Variants in RGS8 observed in about 807,000 individuals in gnomAD.
RGS8 encodes regulator of G-protein signaling 8.
Under a neutral mutation model 21.7 loss-of-function variants are expected in RGS8, and 8 were observed. That is an observed-to-expected ratio of 0.37 (90% CI 0.22 to 0.66). The LOEUF (loss-of-function observed/expected upper bound fraction) is 0.66. Among genes scored for constraint, RGS8 ranks in the 30% least tolerant of loss-of-function variants. RGS8 has a pLI of 0.59. For missense variants in RGS8, 157 were observed against 217.9 expected, an observed-to-expected ratio of 0.72 and a Z score of 1.76; for synonymous variants, 80 against 83.6, an observed-to-expected ratio of 0.96 and a Z score of 0.24.
chr1:182,673,570 T>G (rs1664260292), upstream of RGS8, among the ~76,000 whole-genome samples: 1 of 152,188 alleles, frequency 6.6e-6, no homozygotes, highest in Non-Finnish European at 1.5e-5. Context: ...AAATAAAAAT[T>G]CTGATGCTGC....
intron 5 of RGS8, among the ~76,000 whole-genome samples, chr1:182,650,654 A>C (rs1402104320): frequency 6.6e-6 from 1 of 152,220 alleles, no homozygotes; most frequent in Non-Finnish European, 1.5e-5. Flanking sequence ...TGAGCCCAGG[A>C]GTTCGAGACC....
rs150373910 is a variant in RGS8, at chr1:182,669,823, CG to C, written c.-103-72del. On this transcript the variant is annotated intron_variant, in intron 2 of 6. Transcript: ENST00000483095. ...TGACTGCACTACATTTCCTCTCAGA[CG>C]GGTTTCCGCCAGCGGAACACCTCCC... The C allele has an allele frequency of 1.5e-3, 2,099 of 1,442,386 alleles. 22 individuals carry two copies. In the African/African-American group the frequency reaches 0.028, roughly 19 times the overall value. 89.3% of individuals were successfully genotyped at this position (1,442,386 alleles called of 1,614,324 possible). A position where few individuals can be genotyped will look rare whatever the true frequency, so the allele number is the denominator to read the frequency against.
At chr1:182,697,895 T>C in the RGS8 span, among the ~76,000 whole-genome samples, 19 of 152,310 alleles carry the variant, frequency 1.2e-4, no homozygotes, top group South Asian at 3.7e-3. Context: ...ATTGAGTGCT[T>C]ACTAGAATGA....
the RGS8 span, among the ~76,000 whole-genome samples, chr1:182,751,543 C>T: frequency 6.6e-6 from 1 of 152,280 alleles, no homozygotes; most frequent in African/African-American, 2.4e-5. Context: ...TTTTCCCTGT[C>T]TTCCCAGAGC....
At chr1:182,673,162 G>A (rs1241003951), upstream of RGS8, among the ~76,000 whole-genome samples, 4 of 152,198 alleles carry the variant, frequency 2.6e-5, no homozygotes, top group African/African-American at 7.2e-5. Flanking sequence ...GCTGCAAACC[G>A]TTTCTGAAAC....
At chr1:182,652,692 A>G (rs141523666) in intron 5 of RGS8, among the ~76,000 whole-genome samples, 1 of 152,350 alleles carries the variant, frequency 6.6e-6, no homozygotes, top group African/African-American at 2.4e-5. Context: ...GTTTGAGCCA[A>G]GAAAACATAA....
the RGS8 span, among the ~76,000 whole-genome samples, chr1:182,700,637 T>C: frequency 0.031 from 4,781 of 152,314 alleles, 96 homozygotes; most frequent in Middle Eastern, 0.061. Flanking sequence ...CATGAGTGTC[T>C]TAGAAAGACT....
the RGS8 span, among the ~76,000 whole-genome samples, chr1:182,700,103 A>G: frequency 6.6e-6 from 1 of 152,258 alleles, no homozygotes; most frequent in South Asian, 2.1e-4. Flanking sequence ...AATGCGCCCC[A>G]GAGCCCGCCG....
At chr1:182,653,462 G>A (rs1435866147) in intron 5 of RGS8, among the ~76,000 whole-genome samples, 5 of 151,890 alleles carry the variant, frequency 3.3e-5, no homozygotes, top group Non-Finnish European at 2.9e-5. Context: ...TTGGGAGGCC[G>A]AGGAGAGCAG....
intron 3 of RGS8, among the ~76,000 whole-genome samples, chr1:182,668,281 A>G (rs1663974079): frequency 6.6e-6 from 1 of 152,254 alleles, no homozygotes; most frequent in South Asian, 2.1e-4. Context: ...TAATCAAATC[A>G]GGACTTAAGA....
upstream of RGS8, chr1:182,672,756 G>T (rs750617656): frequency 4.4e-6 from 7 of 1,590,036 alleles, no homozygotes; most frequent in East Asian, 4.5e-5. Context: ...TGTTCTGCCC[G>T]ATCTGCACAT....
intron 1 of RGS8, among the ~76,000 whole-genome samples, chr1:182,680,006 TAG>T (rs1221872201): frequency 6.6e-6 from 1 of 152,136 alleles, no homozygotes; most frequent in Non-Finnish European, 1.5e-5. Context: ...AAATCTTTCA[TAG>T]TTTTCAAATC....
At chr1:182,685,878 T>C (rs939317640), upstream of RGS8, among the ~76,000 whole-genome samples, 2 of 152,166 alleles carry the variant, frequency 1.3e-5, no homozygotes, top group Admixed American at 6.5e-5. Context: ...GACCTCCTTG[T>C]CATGTATTAG....
chr1:182,692,484 A>G, the RGS8 span, among the ~76,000 whole-genome samples: 1 of 152,064 alleles, frequency 6.6e-6, no homozygotes, highest in South Asian at 2.1e-4. Flanking sequence ...TGATACAAAC[A>G]AATGGAAAAA....
chr1:182,744,494 A>G, the RGS8 span, among the ~76,000 whole-genome samples: 4 of 152,234 alleles, frequency 2.6e-5, no homozygotes, highest in Non-Finnish European at 5.9e-5. Flanking sequence ...ATTAGACTGC[A>G]TATAAGATGG....
At chr1:182,736,570 G>A in the RGS8 span, among the ~76,000 whole-genome samples, 2 of 152,096 alleles carry the variant, frequency 1.3e-5, no homozygotes, top group African/African-American at 4.8e-5. Flanking sequence ...AGAAACCCTG[G>A]GACATAAAAC....
the RGS8 span, among the ~76,000 whole-genome samples, chr1:182,697,685 T>C: frequency 6.6e-6 from 1 of 151,312 alleles, no homozygotes; most frequent in African/African-American, 2.4e-5. Context: ...TCTAAAACAC[T>C]TTTTTTTTCA....
the RGS8 span, among the ~76,000 whole-genome samples, chr1:182,692,973 TCAAC>T: frequency 9.9e-5 from 15 of 152,278 alleles, no homozygotes; most frequent in East Asian, 2.9e-3. Context: ...TATACACAAA[TCAAC>T]CAATGTGGAT....
the RGS8 span, among the ~76,000 whole-genome samples, chr1:182,711,064 T>A: frequency 6.6e-6 from 1 of 152,130 alleles, no homozygotes; most frequent in East Asian, 1.9e-4. Flanking sequence ...CCTGAGTTGG[T>A]AGGTGAATGA....
Sources: allele counts gnomAD v4.1 joint callset (sites outside exome capture counted in the v4.1 genomes callset), GRCh38; gene constraint gnomAD v4.1.1; transcripts MANE v1.5; gene names NCBI Gene and HGNC (gene_info 2026-07-23, HGNC 2026-07-21).